The following RANBP17 variants were observed in gnomAD, a reference collection of about 807,000 sequenced individuals.
The protein encoded by RANBP17 is RAN binding protein 17, also known as ran-binding protein 17.
RANBP17 carries 158 observed loss-of-function variants against 141.2 expected under a neutral mutation model. The ratio of observed to expected loss-of-function variants is 1.12; its 90% CI spans 0.98 to 1.28. RANBP17 has a LOEUF of 1.28. Among genes scored for constraint, RANBP17 ranks in the 50% most tolerant of loss-of-function variants. The pLI is 0.00. For missense variants in RANBP17, 1,438 were observed against 1,290.7 expected (o/e 1.11, Z -1.75); for synonymous variants, 430 against 450.0 (o/e 0.96, Z 0.56).
intron 14 of RANBP17, among the ~76,000 whole-genome samples, chr5:170,993,293 C>G (rs1289586263): frequency 6.6e-6 from 1 of 152,024 alleles, no homozygotes; most frequent in Non-Finnish European, 1.5e-5. Context: ...CTCCTAATGA[C>G]TTTTCAGAAA....
chr5:171,152,181 G>A (rs1485463098), intron 14 of RANBP17, among the ~76,000 whole-genome samples: 2 of 151,768 alleles, frequency 1.3e-5, no homozygotes, highest in East Asian at 1.9e-4. Flanking sequence ...GGGAGTCCGA[G>A]GCAGGAGGAT....
At chr5:171,012,049 T>A (rs1205943271) in intron 14 of RANBP17, among the ~76,000 whole-genome samples, 1 of 142,906 alleles carries the variant, frequency 7.0e-6, no homozygotes, top group Non-Finnish European at 1.5e-5. Flanking sequence ...TTTAAACAAA[T>A]TATATTATTT....
At chr5:171,192,221 A>T (rs569416605) in intron 18 of RANBP17, among the ~76,000 whole-genome samples, 1 of 152,280 alleles carries the variant, frequency 6.6e-6, no homozygotes, top group African/African-American at 2.4e-5. Flanking sequence ...TGAAAAATAG[A>T]CATGGGGGGA....
chr5:170,866,385 G>A (rs1431958344), intron 1 of RANBP17, among the ~76,000 whole-genome samples: 1 of 151,256 alleles, frequency 6.6e-6, no homozygotes, highest in African/African-American at 2.5e-5. Context: ...GAGAAGAAGG[G>A]ACACTTAGGC....
chr5:171,285,659 G>A (rs1343998646), intron 25 of RANBP17, among the ~76,000 whole-genome samples: 1 of 152,168 alleles, frequency 6.6e-6, no homozygotes, highest in African/African-American at 2.4e-5. Flanking sequence ...TATGAGATCT[G>A]CAGCCACTTG....
At chr5:171,262,479 G>A (rs907493916) in intron 24 of RANBP17, among the ~76,000 whole-genome samples, 2 of 152,160 alleles carry the variant, frequency 1.3e-5, no homozygotes, top group Admixed American at 6.5e-5. Flanking sequence ...CAAATGCCAT[G>A]TCTTTAGGAG....
chr5:171,245,967 C>T (rs534585445), intron 24 of RANBP17, among the ~76,000 whole-genome samples: 1 of 151,892 alleles, frequency 6.6e-6, no homozygotes, highest in South Asian at 2.1e-4. Context: ...CAACCTCCGC[C>T]TCCTGGGTTC....
chr5:171,069,840 A>G (rs1157248112), intron 14 of RANBP17, among the ~76,000 whole-genome samples: 1 of 152,168 alleles, frequency 6.6e-6, no homozygotes, highest in African/African-American at 2.4e-5. Flanking sequence ...TTTAGAAAAA[A>G]ATACAGTGAT....
At chr5:171,146,349 G>A (rs1758028451) in intron 14 of RANBP17, among the ~76,000 whole-genome samples, 1 of 152,178 alleles carries the variant, frequency 6.6e-6, no homozygotes, top group Admixed American at 6.5e-5. Flanking sequence ...ACTTCTACGT[G>A]CCAGTATTCT....
intron 14 of RANBP17, among the ~76,000 whole-genome samples, chr5:171,168,844 T>TTCTC (rs148930265): frequency 6.7e-6 from 1 of 149,334 alleles, no homozygotes; most frequent in African/African-American, 2.5e-5. Context: ...CTCTCTCTGT[T>TTCTC]TCTCTCTCTC....
chr5:171,159,022 C>T (rs1056568606), intron 14 of RANBP17, among the ~76,000 whole-genome samples: 5 of 152,182 alleles, frequency 3.3e-5, no homozygotes, highest in African/African-American at 9.7e-5. Context: ...TGGGTTTCTG[C>T]TTTGCATTTA....
chr5:170,951,081 G>A (rs1057472358), intron 12 of RANBP17, among the ~76,000 whole-genome samples: 7 of 152,132 alleles, frequency 4.6e-5, no homozygotes, highest in Admixed American at 2.6e-4. Context: ...GGTGGACTGG[G>A]GAGTGGGGCA....
At chr5:171,259,958 G>A (rs1432916536) in intron 24 of RANBP17, among the ~76,000 whole-genome samples, 1 of 151,816 alleles carries the variant, frequency 6.6e-6, no homozygotes, top group Non-Finnish European at 1.5e-5. Context: ...TGCAACCTGG[G>A]CAACAGAGCG....
rs1768658142 is a variant in RANBP17, at chr5:171,293,869, A to G, written c.2944-14A>G. ...GACAAGGCATCTCAATCTTTATGTG[A>G]TTCTATCTTCTAGATGATGTCTGTC... On this transcript the variant is annotated splice_polypyrimidine_tract_variant and intron_variant, in intron 25 of 27. Coordinates refer to ENST00000523189, the MANE Select transcript of RANBP17 (RefSeq NM_022897.5). 1 of 1,597,318 alleles carries G rather than the reference A, an allele frequency of 6.3e-7. No homozygotes were observed. The highest frequency in any genetic ancestry group is 1.3e-5 in the African/African-American group (1 of 74,478).
At chr5:171,260,250 G>A (rs1418113479) in intron 24 of RANBP17, among the ~76,000 whole-genome samples, 4 of 146,832 alleles carry the variant, frequency 2.7e-5, no homozygotes, top group Non-Finnish European at 4.4e-5. Context: ...GCAGTGAGCC[G>A]AGATCACGCC....
intron 14 of RANBP17, among the ~76,000 whole-genome samples, chr5:171,106,704 G>A (rs1309878435): frequency 6.6e-6 from 1 of 152,024 alleles, no homozygotes; most frequent in Non-Finnish European, 1.5e-5. Flanking sequence ...TCTCAATACT[G>A]GTTTTACAAT....
At chr5:171,118,379 G>A (rs1324396818) in intron 14 of RANBP17, among the ~76,000 whole-genome samples, 1 of 151,894 alleles carries the variant, frequency 6.6e-6, no homozygotes, top group African/African-American at 2.4e-5. Flanking sequence ...GGCTATATTT[G>A]GGGTCTTTGT....
At chr5:170,942,684 A>T (rs1162365785) in intron 12 of RANBP17, among the ~76,000 whole-genome samples, 1 of 152,204 alleles carries the variant, frequency 6.6e-6, no homozygotes, top group Non-Finnish European at 1.5e-5. Context: ...TAGATGTGAC[A>T]GTATTGCTAA....
chr5:170,944,529 A>G (rs1774597972), intron 12 of RANBP17, among the ~76,000 whole-genome samples: 2 of 152,198 alleles, frequency 1.3e-5, no homozygotes, highest in African/African-American at 4.8e-5. Flanking sequence ...CAGCCTCCCA[A>G]AGTGCTGGTA....
Sources: gnomAD v4.1 joint callset for allele counts (sites outside exome capture counted in the v4.1 genomes callset) on GRCh38, gnomAD v4.1.1 for gene constraint, MANE v1.5 for transcripts, NCBI Gene and HGNC (gene_info 2026-07-23, HGNC 2026-07-21) for gene names.